The following KAZN variants were observed in gnomAD, a reference collection of about 807,000 sequenced individuals.
KAZN encodes the protein kazrin, periplakin interacting protein.
Under a neutral mutation model 87.4 loss-of-function variants are expected in KAZN, and 40 were observed. The observed-to-expected ratio is 0.46, with a 90% CI of 0.36 to 0.60. The LOEUF is 0.60. Ranked by LOEUF, KAZN falls within the 20% of genes least tolerant of loss-of-function variation. KAZN has a pLI of 0.00. For synonymous variants in KAZN, 466 were observed against 458.3 expected (o/e 1.02, Z -0.22); for missense variants, 898 against 1,073.9 (o/e 0.84, Z 2.29).
chr1:14,907,331 G>A (rs1656707661), intron 1 of KAZN, among the ~76,000 whole-genome samples: 1 of 151,254 alleles, frequency 6.6e-6, no homozygotes, highest in Admixed American at 6.6e-5. Context: ...GAACCCAGGA[G>A]ATGGAGGTTG....
intron 2 of KAZN, among the ~76,000 whole-genome samples, chr1:14,449,767 G>C (rs1571677669): frequency 6.6e-6 from 1 of 152,178 alleles, no homozygotes; most frequent in African/African-American, 2.4e-5. Flanking sequence ...TCAAGATCAG[G>C]GATCATCCGG....
intron 2 of KAZN, among the ~76,000 whole-genome samples, chr1:14,365,362 CCGGGG>C (rs1480600227): frequency 2.4e-5 from 1 of 41,628 alleles, no homozygotes; most frequent in African/African-American, 9.4e-5. Context: ...CCCCCTCCCC[CCGGGG>C]TGGGGGGGGG....
chr1:14,777,703 A>C (rs1187969387), intron 1 of KAZN, among the ~76,000 whole-genome samples: 1 of 152,208 alleles, frequency 6.6e-6, no homozygotes, highest in Non-Finnish European at 1.5e-5. Context: ...CTCGGGTCTG[A>C]ATAAATGGCT....
chr1:14,922,418 C>T (rs1658623094), intron 1 of KAZN, among the ~76,000 whole-genome samples: 1 of 152,178 alleles, frequency 6.6e-6, no homozygotes, highest in African/African-American at 2.4e-5. Flanking sequence ...TTCCCAGCAT[C>T]TCTGGTCACT....
At chr1:14,837,820 G>T (rs1157581774) in intron 1 of KAZN, among the ~76,000 whole-genome samples, 6 of 152,060 alleles carry the variant, frequency 3.9e-5, no homozygotes, top group Non-Finnish European at 8.8e-5. Flanking sequence ...CTCTCAAAGT[G>T]CTGGGATTAC....
chr1:14,374,451 C>T (rs1660743112), intron 2 of KAZN, among the ~76,000 whole-genome samples: 1 of 152,204 alleles, frequency 6.6e-6, no homozygotes, highest in Non-Finnish European at 1.5e-5. Flanking sequence ...GGATGAGGAG[C>T]TTCGGGAAAA....
chr1:14,567,474 A>G (rs1350355389), intron 2 of KAZN, among the ~76,000 whole-genome samples: 3 of 152,218 alleles, frequency 2.0e-5, no homozygotes, highest in African/African-American at 7.2e-5. Flanking sequence ...ATGCTGTTGG[A>G]AAAATAGCAC....
chr1:14,605,977 G>A (rs6429670), intron 1 of KAZN, among the ~76,000 whole-genome samples: 124,170 of 152,234 alleles, frequency 0.82, 50,854 homozygotes, highest in African/African-American at 0.88. Flanking sequence ...AATGCATTCA[G>A]TCTTCATAAT....
At chr1:14,089,929 C>G (rs533045437) in intron 1 of KAZN, among the ~76,000 whole-genome samples, 32 of 152,172 alleles carry the variant, frequency 2.1e-4, no homozygotes, top group Admixed American at 1.8e-3. Flanking sequence ...TTAAAGAAAT[C>G]ACTCCATTGT....
chr1:14,040,105 CAG>C (rs373788437), intron 1 of KAZN, among the ~76,000 whole-genome samples: 14 of 150,572 alleles, frequency 9.3e-5, no homozygotes, highest in East Asian at 5.9e-4. Flanking sequence ...GAGAGAGAGA[CAG>C]AGAGAGAGAG....
intron 2 of KAZN, among the ~76,000 whole-genome samples, chr1:14,359,372 G>A (rs1659312895): frequency 6.6e-6 from 1 of 151,860 alleles, no homozygotes; most frequent in Admixed American, 6.6e-5. Flanking sequence ...ACACTGATGG[G>A]TCTTGACTCT....
intron 2 of KAZN, among the ~76,000 whole-genome samples, chr1:14,383,737 A>G (rs1350408835): frequency 6.6e-6 from 1 of 152,138 alleles, no homozygotes; most frequent in African/African-American, 2.4e-5. Flanking sequence ...TATAGTTTGA[A>G]GTCAGGTACT....
rs566182633 is a variant in KAZN, at chr1:14,696,438, G to A, written c.226+97215G>A. Among the ~76,000 whole-genome samples, 115 of 152,338 alleles carry A rather than the reference G, an allele frequency of 7.5e-4. 1 individual carries two copies. Among genetic ancestry groups the A allele is most frequent in the Admixed American group, 6.1e-3 (93 of 15,308 alleles). Reference sequence around the variant, plus strand: ...CGTTAAGTGGTTAATGCTGCTGAGTGTAAAGGGTTAAACAGGGAGTGGGCT... The same window carrying A: ...CGTTAAGTGGTTAATGCTGCTGAGTATAAAGGGTTAAACAGGGAGTGGGCT... On this transcript the variant is annotated intron_variant, in intron 1 of 14. Coordinates refer to ENST00000376030, the MANE Select transcript of KAZN (RefSeq NM_201628.3).
intron 1 of KAZN, among the ~76,000 whole-genome samples, chr1:13,932,196 T>C (rs1471630615): frequency 3.3e-5 from 5 of 151,490 alleles, no homozygotes; most frequent in Non-Finnish European, 7.4e-5. Context: ...CAAGAAGGAA[T>C]AAGTTATTAG....
chr1:14,037,502 G>C (rs1244745210), intron 1 of KAZN, among the ~76,000 whole-genome samples: 1 of 152,172 alleles, frequency 6.6e-6, no homozygotes, highest in Non-Finnish European at 1.5e-5. Flanking sequence ...GTCAGTGGAG[G>C]AATAGGGACC....
intron 2 of KAZN, among the ~76,000 whole-genome samples, chr1:14,989,150 G>A (rs1667110372): frequency 6.6e-6 from 1 of 152,130 alleles, no homozygotes; most frequent in African/African-American, 2.4e-5. Flanking sequence ...TCAGTGACTC[G>A]GGGTCACCCT....
At chr1:14,361,916 G>C (rs1659549839) in intron 2 of KAZN, among the ~76,000 whole-genome samples, 1 of 152,198 alleles carries the variant, frequency 6.6e-6, no homozygotes, top group Non-Finnish European at 1.5e-5. Flanking sequence ...GTGAAGAAAG[G>C]CTTTTTTGAG....
chr1:14,500,452 TC>T (rs1162496403), intron 2 of KAZN, among the ~76,000 whole-genome samples: 1 of 152,140 alleles, frequency 6.6e-6, no homozygotes, highest in Non-Finnish European at 1.5e-5. Flanking sequence ...TTTGTAAATG[TC>T]CCTTGGGAAA....
chr1:14,266,922 A>T (rs1377475135), intron 2 of KAZN, among the ~76,000 whole-genome samples: 2 of 151,968 alleles, frequency 1.3e-5, no homozygotes, highest in Non-Finnish European at 2.9e-5. Flanking sequence ...ATTTTAGGGT[A>T]CATGTGCACA....
Sources: allele counts gnomAD v4.1 joint callset (sites outside exome capture counted in the v4.1 genomes callset), GRCh38; gene constraint gnomAD v4.1.1; transcripts MANE v1.5; gene names NCBI Gene and HGNC (gene_info 2026-07-23, HGNC 2026-07-21).